The following SRCIN1 variants were observed in gnomAD, a reference collection of about 807,000 sequenced individuals.
The protein encoded by SRCIN1 is SRC kinase signaling inhibitor 1.
In SRCIN1, 50 loss-of-function variants were observed where a neutral mutation model predicts 116.2. That is an observed-to-expected ratio of 0.43 (90% CI 0.34 to 0.54). SRCIN1 has a LOEUF of 0.54. Among genes scored for constraint, SRCIN1 ranks in the 20% least tolerant of loss-of-function variants. The pLI is 0.02. For synonymous variants in SRCIN1, 736 were observed against 750.0 expected (o/e 0.98, Z 0.30); for missense variants, 1,446 against 1,672.0 (o/e 0.86, Z 2.36).
rs149445344 is a variant in SRCIN1, at chr17:38,555,471, G to C, written c.2202-2616C>G. On this transcript the variant is annotated intron_variant, in intron 11 of 18. Transcript: ENST00000617146. ...CCACCCGCCTAACCCACCCAATACT[G>C]TTCCATGAGAAAGATATGTTTATTA... 2.6e-5 allele frequency among the ~76,000 whole-genome samples: 4 copies of C among 152,246 alleles called. No homozygotes were observed. The East Asian group carries it at 7.7e-4, about 29-fold the overall frequency.
chr17:38,581,314 G>A (rs1322659152), intron 1 of SRCIN1, among the ~76,000 whole-genome samples: 1 of 151,512 alleles, frequency 6.6e-6, no homozygotes, highest in Non-Finnish European at 1.5e-5. Context: ...GCTGAGGCAG[G>A]AGAAATGCTT....
chr17:38,582,241 C>G (rs952945652), intron 1 of SRCIN1, among the ~76,000 whole-genome samples: 1 of 152,176 alleles, frequency 6.6e-6, no homozygotes, highest in Non-Finnish European at 1.5e-5. Flanking sequence ...CCAGCACCTC[C>G]TTCCCTACCT....
At position 38,561,700 on chromosome 17, in the gene SRCIN1, G is replaced by A. The variant is rs1906258219; in HGVS notation, c.1463C>T (p.Pro488Leu). The A allele has an allele frequency of 6.5e-7, 1 of 1,540,370 alleles. No individual in the cohort carries two copies. Among genetic ancestry groups the A allele is most frequent in the South Asian group, 1.2e-5 (1 of 84,042 alleles). Residue 488 changes from proline to leucine, a missense_variant, in exon 7 of 19, where the codon CCC becomes CTC. Physicochemically the swap from Pro to Leu is moderately conservative, Grantham distance 98. Transcript: ENST00000617146. ...CGAGTAGGGGCTGTGCGGTGGCGGG[G>A]GACCTCCGGGGGGTGCTGCCACGTC... ...LADVAAPPGGPPPPHSPYSGP... is the reference protein window; with the variant it reads ...LADVAAPPGGLPPPHSPYSGP...
intron 7 of SRCIN1, 59 bp from the exon 8 acceptor site, chr17:38,560,484 GC>G: frequency 1.4e-6 from 2 of 1,403,904 alleles, no homozygotes; most frequent in Admixed American, 2.0e-5. Flanking sequence ...CTCCTGCCCA[GC>G]CCCCCATTCC....
At position 38,549,284 on chromosome 17, in the gene SRCIN1, G is replaced by GTT. The variant is rs1177542395; in HGVS notation, c.2963-75_2963-74insAA. 2.8e-5 allele frequency: 39 copies of GTT among 1,384,352 alleles called. No homozygotes were observed. In the African/African-American group the frequency reaches 4.6e-4, roughly 16 times the overall value. The allele number at this position is 1,384,352 out of a possible 1,614,324, so 85.8% of individuals were successfully genotyped here. On this transcript the variant is annotated intron_variant, in intron 15 of 18. Transcript: ENST00000617146. ...CAGTGCACTACATCTAACTTGAAGG[G>GTT]GATAAACCTTGCTTCTTCCTCCAGG... is the stretch of plus-strand genomic sequence containing the variant.
chr17:38,586,667 A>T (rs1191909373), intron 1 of SRCIN1, among the ~76,000 whole-genome samples: 2 of 152,242 alleles, frequency 1.3e-5, no homozygotes, highest in Admixed American at 6.5e-5. Flanking sequence ...ATCCAATGGG[A>T]TGGGGGATGA....
At chr17:38,547,845 T>TG (rs1378203299) in intron 17 of SRCIN1, 6 of 74,022 alleles carry the variant, frequency 8.1e-5, no homozygotes, top group South Asian at 3.5e-4. Flanking sequence ...CGGCGGGGCG[T>TG]GGGGGGGAGG....
At chr17:38,580,655 C>T (rs1221548929) in intron 1 of SRCIN1, among the ~76,000 whole-genome samples, 1 of 152,180 alleles carries the variant, frequency 6.6e-6, no homozygotes, top group Non-Finnish European at 1.5e-5. Context: ...ACATTGACAG[C>T]ACCACATGGC....
intron 18 of SRCIN1, among the ~76,000 whole-genome samples, chr17:38,540,440 G>C (rs1904658771): frequency 6.9e-6 from 1 of 144,694 alleles, no homozygotes; most frequent in Admixed American, 7.4e-5. Context: ...AGAGCTCACT[G>C]TGGTGTTCCA....
chr17:38,587,328 C>T (rs1908169016), intron 1 of SRCIN1, among the ~76,000 whole-genome samples: 1 of 152,146 alleles, frequency 6.6e-6, no homozygotes, highest in South Asian at 2.1e-4. Context: ...CTGCTTGCAG[C>T]TGTCTCTCCC....
In SRCIN1 at chr17:38,594,800, A is replaced by G. The variant is rs541396367; in HGVS notation, c.22+10884T>C. Reference sequence around the variant, plus strand: ...CAGGGCAGGCTGACTCTCAAGTCCAATGCTCCAGGCTGCTGGTCCTGGGCC... The same window carrying G: ...CAGGGCAGGCTGACTCTCAAGTCCAGTGCTCCAGGCTGCTGGTCCTGGGCC... On this transcript the variant is annotated intron_variant, in intron 1 of 18. Transcript: ENST00000617146. Among the ~76,000 whole-genome samples the G allele has an allele frequency of 7.9e-5, 12 of 152,246 alleles. No individual in the cohort carries two copies. The South Asian group carries it at 1.9e-3, about 24-fold the overall frequency.
rs1303588510 is a variant in SRCIN1, at chr17:38,552,419, G to A, written c.2480+28C>T. ...TCTGGGCCCGGTGTGTGAACCCATG[G>A]GAAATCAGAGGTCAGGGACAGAATG... On this transcript the variant is annotated intron_variant, in intron 13 of 18. Transcript: ENST00000617146. This position sits in a 1 kb window ranked among gnomAD's most constrained non-coding sequence, Gnocchi z 5.3. The A allele has an allele frequency of 1.9e-6, 3 of 1,586,666 alleles. No homozygotes were observed. Among genetic ancestry groups the A allele is most frequent in the Admixed American group, 3.7e-5 (2 of 54,744 alleles).
intron 17 of SRCIN1, chr17:38,547,819 G>C (rs1171238461): frequency 4.2e-6 from 1 of 238,394 alleles, no homozygotes; most frequent in Admixed American, 5.9e-5. Flanking sequence ...GGGACAGCAA[G>C]GTGGGGATCA....
At position 38,604,757 on chromosome 17, in the gene SRCIN1, C is replaced by T; in HGVS notation, c.22+927G>A. ...GGACTCGGAGCTGGCCCGGGAGCTT[C>T]TGACGTAGCAGGGGGGTGCGTGGGA... On this transcript the variant is annotated intron_variant, in intron 1 of 18. Transcript: ENST00000617146. This position sits in a 1 kb window ranked among gnomAD's most constrained non-coding sequence, Gnocchi z 4.3. 3.4e-6 allele frequency: 1 copy of T among 294,006 alleles called. No individual in the cohort carries two copies. The highest frequency in any genetic ancestry group is 2.5e-5 in the South Asian group (1 of 39,744). 18.2% of individuals were successfully genotyped at this position (294,006 alleles called of 1,614,324 possible).
intron 17 of SRCIN1, chr17:38,547,846 G>C (rs759290791): frequency 9.6e-6 from 2 of 208,146 alleles, no homozygotes; most frequent in South Asian, 4.5e-5. Flanking sequence ...GGCGGGGCGT[G>C]GGGGGGAGGG....
At chr17:38,547,646 G>T in intron 17 of SRCIN1, 1 of 241,110 alleles carries the variant, frequency 4.1e-6, no homozygotes, top group Non-Finnish European at 8.6e-6. Context: ...TGGCCATGGT[G>T]GGACTTGGGA....
In SRCIN1 at chr17:38,562,096, G is replaced by C; in HGVS notation, c.1067C>G (p.Pro356Arg). 1.4e-6 allele frequency: 2 copies of C among 1,436,534 alleles called. No individual in the cohort carries two copies. Among genetic ancestry groups the C allele is most frequent in the Non-Finnish European group, 1.8e-6 (2 of 1,101,154 alleles). 89.0% of individuals were successfully genotyped at this position (1,436,534 alleles called of 1,614,324 possible). A position where few individuals can be genotyped will look rare whatever the true frequency, so the allele number is the denominator to read the frequency against. The change falls in exon 7 of 19, where the codon CCG becomes CGG. Residue 356 changes from proline to arginine, a missense_variant. By Grantham distance (103) the Pro-to-Arg change is moderately radical. Around this residue, in one of 5 missense-constraint regions of SRCIN1, gnomAD observed 239 missense variants for 317.7 expected, o/e 0.75. Transcript: ENST00000617146. This position sits in a 1 kb window ranked among gnomAD's most constrained non-coding sequence, Gnocchi z 4.2. ...GCTGGGGCTGACGCCCTGGGCGGCC[G>C]GGGCGCCTCCCAGCCTCTCGGCCGC... The part of the protein sequence containing the change: ...HHAAERLGGA[P>R]AAQGVSPSPS...
intron 2 of SRCIN1, among the ~76,000 whole-genome samples, chr17:38,570,824 T>A (rs911188831): frequency 6.6e-6 from 1 of 152,116 alleles, no homozygotes; most frequent in East Asian, 1.9e-4. Context: ...ATCAGTGCCA[T>A]AGGAAAGGCC....
chr17:38,566,420 G>C (rs1385492905), intron 3 of SRCIN1, among the ~76,000 whole-genome samples: 1 of 152,182 alleles, frequency 6.6e-6, no homozygotes, highest in East Asian at 1.9e-4. Flanking sequence ...CAATAGGGCA[G>C]AGGAAAGTGA....
Sources: gnomAD v4.1 joint callset for allele counts (sites outside exome capture counted in the v4.1 genomes callset) on GRCh38, gnomAD v4.1.1 for gene constraint, gnomAD v4.1.1 regional missense constraint, Gnocchi (gnomAD v3.1) non-coding constraint, MANE v1.5 for transcripts, NCBI Gene and HGNC (gene_info 2026-07-23, HGNC 2026-07-21) for gene names.